NUP85: variants seen among roughly 807,000 people sequenced by gnomAD.
NUP85 encodes nucleoporin 85, also known as nuclear pore complex protein Nup85.
Under a neutral mutation model 92.8 loss-of-function variants are expected in NUP85, and 23 were observed. The ratio of observed to expected loss-of-function variants is 0.25; its 90% confidence interval spans 0.18 to 0.35. NUP85 has a LOEUF of 0.35. NUP85 is among the 10% of genes least tolerant of loss of function. The probability of loss-of-function intolerance (pLI) is 1.00; values close to 1 mark genes in which losing one functional copy is unlikely to be tolerated. For synonymous variants in NUP85, 314 were observed against 306.9 expected, an observed-to-expected ratio of 1.02 and a Z score of -0.24; for missense variants, 759 against 822.8, an observed-to-expected ratio of 0.92 and a Z score of 0.95.
chr17:75,233,143 C>T lies in NUP85; in HGVS notation c.1600C>T (p.Arg534Ter), dbSNP rs377250765. 1 of 1,613,936 alleles carries T rather than the reference C, an allele frequency of 6.2e-7. No homozygotes were observed. The highest frequency in any genetic ancestry group is 8.5e-7 in the Non-Finnish European group (1 of 1,179,890). The change falls in exon 16 of 19, where the codon CGA becomes TGA. Residue 534 changes from arginine to a stop codon, truncating the protein, a stop_gained. Transcript: ENST00000245544. LOFTEE classifies it high-confidence loss of function. ...NLGPAMMLSD[R>*]LTFLGKYREF... Reference sequence around the variant, plus strand: ...GGGGCCAGCCATGATGCTCAGTGACCGACTGACATTCCTGGGTGAGTCTCT... The same window carrying T: ...GGGGCCAGCCATGATGCTCAGTGACTGACTGACATTCCTGGGTGAGTCTCT...
Position 75,212,055 on chromosome 17 carries a change from G to T in NUP85, c.354G>T (p.Gln118His), listed in dbSNP as rs2075274624. Residue 118 changes from glutamine (Q) to histidine (H), a missense_variant, in exon 4 of 19, where the codon CAG (glutamine) becomes CAT (histidine). Physicochemically the swap from Gln to His is conservative, Grantham distance 24. Transcript: ENST00000245544. ...VIRACMEEMH[Q>H]VAIAAKDPAN... Reference sequence around the variant, plus strand: ...GAGCATGTATGGAGGAAATGCACCAGGTTGCAAGTAAGGACTGTGTGCGCG... The same window carrying T: ...GAGCATGTATGGAGGAAATGCACCATGTTGCAAGTAAGGACTGTGTGCGCG... 6.2e-7 allele frequency: 1 copy of T among 1,611,866 alleles called. No individual in the cohort carries two copies. The highest frequency in any genetic ancestry group is 1.3e-5 in the African/African-American group (1 of 74,650).
chr17:75,223,032 CAA>C (rs1190240035), intron 7 of NUP85, among the ~76,000 whole-genome samples: 1 of 48,082 alleles, frequency 2.1e-5, no homozygotes, highest in Admixed American at 2.5e-4. Context: ...GACTCTGTCT[CAA>C]AAAAAAAAAA....
chr17:75,234,530 G>T, intron 16 of NUP85, 107 bp from the exon 17 acceptor site: 1 of 1,100,034 alleles, frequency 9.1e-7, no homozygotes. Context: ...GGAGTGGCTG[G>T]TCTGAGGTTT....
chr17:75,222,728 ATTGT>A, intron 7 of NUP85, among the ~76,000 whole-genome samples: 1 of 151,948 alleles, frequency 6.6e-6, no homozygotes, highest in Admixed American at 6.6e-5. Context: ...TTGACATAAT[ATTGT>A]TGAATCATTA....
chr17:75,207,472 A>G (rs1479863010), intron 1 of NUP85, among the ~76,000 whole-genome samples: 2 of 151,824 alleles, frequency 1.3e-5, no homozygotes, highest in Admixed American at 6.6e-5. Context: ...AGTGTGAGCC[A>G]CTGCGCCTGG....
intron 3 of NUP85, 113 bp from the exon 4 acceptor site, chr17:75,211,879 A>G (rs1215893874): frequency 1.5e-5 from 12 of 804,228 alleles, no homozygotes; most frequent in Non-Finnish European, 2.3e-5. Flanking sequence ...GCTCCTTCAC[A>G]ACGGCTCTCC....
intron 7 of NUP85, among the ~76,000 whole-genome samples, chr17:75,218,822 T>G (rs1447536641): frequency 6.6e-6 from 1 of 152,128 alleles, no homozygotes; most frequent in Non-Finnish European, 1.5e-5. Context: ...TGGCCTGATC[T>G]TGCTCACTGC....
At chr17:75,222,653 G>A (rs2145331195) in intron 7 of NUP85, among the ~76,000 whole-genome samples, 1 of 152,020 alleles carries the variant, frequency 6.6e-6, no homozygotes, top group Admixed American at 6.6e-5. Context: ...GTCATATTTT[G>A]TTCAACCAAT....
chr17:75,231,279 C>T lies in NUP85; in HGVS notation c.1095-61C>T. ...ATGTGGGGTTTCTTGCTCACCCCCA[C>T]TCTTGTGGGACGCGGCCTGTGCCCT... On this transcript the variant is annotated intron_variant, in intron 11 of 18. Coordinates refer to ENST00000245544, the MANE Select transcript of NUP85 (RefSeq NM_024844.5). The surrounding 1 kb of genome is among the most constrained non-coding windows in gnomAD (Gnocchi z 4.6). 1 of 1,550,718 alleles carries T rather than the reference C, an allele frequency of 6.4e-7. No individual in the cohort carries two copies. The highest frequency in any genetic ancestry group is 1.1e-5 in the South Asian group (1 of 89,532).
intron 7 of NUP85, among the ~76,000 whole-genome samples, chr17:75,222,495 ATTTTTTTTTTTTTT>A (rs578181379): frequency 1.2e-5 from 1 of 83,430 alleles, no homozygotes; most frequent in Non-Finnish European, 2.2e-5. Context: ...TATATTTGTG[ATTTTTTTTTTTTTT>A]TTTTTTTTTT....
intron 6 of NUP85, among the ~76,000 whole-genome samples, chr17:75,217,389 A>G (rs1297078889): frequency 6.7e-6 from 1 of 150,148 alleles, no homozygotes. Context: ...TTTTGTAGAG[A>G]TGGGGTCTCC....
intron 18 of NUP85, 87 bp from the exon 19 acceptor site, chr17:75,235,491 C>G: frequency 2.2e-6 from 2 of 904,606 alleles, no homozygotes; most frequent in Non-Finnish European, 3.5e-6. Flanking sequence ...GTTAAGTGCC[C>G]TCTACCTTTG....
chr17:75,207,626 C>T (rs1431384932), intron 1 of NUP85, among the ~76,000 whole-genome samples: 2 of 151,724 alleles, frequency 1.3e-5, no homozygotes, highest in Admixed American at 1.3e-4. Flanking sequence ...ATTACAGGTG[C>T]GTGCCACCAC....
chr17:75,231,891 G>A lies in NUP85; in HGVS notation c.1308G>A (p.Glu436=), dbSNP rs747316174. The A allele has an allele frequency of 5.6e-6, 9 of 1,614,218 alleles. No individual in the cohort carries two copies. The highest frequency in any genetic ancestry group is 1.7e-5 in the Admixed American group (1 of 60,028). ...CCGAGCTGGGCCGAGTCTCCCTGGA[G>A]CTGCACATTGAGCGGATACCTCTGA... is the stretch of plus-strand genomic sequence containing the variant. ...YCPELGRVSL[E]LHIERIPLNT... Residue 436 remains glutamate (E), a synonymous_variant, in exon 14 of 19, where the codon GAG becomes GAA. Transcript: ENST00000245544. This position sits in a 1 kb window ranked among gnomAD's most constrained non-coding sequence, Gnocchi z 4.6.
intron 16 of NUP85, among the ~76,000 whole-genome samples, chr17:75,233,498 T>C (rs1340037725): frequency 1.2e-4 from 16 of 134,816 alleles, no homozygotes; most frequent in Non-Finnish European, 1.9e-4. Context: ...CCAGGCTCAC[T>C]GCAACCTCCA....
chr17:75,235,315 G>A, intron 18 of NUP85, 114 bp downstream of exon 18: 1 of 724,722 alleles, frequency 1.4e-6, no homozygotes, highest in African/African-American at 1.8e-5. Context: ...ATGTGCCTCT[G>A]TTCCCCTTAA....
chr17:75,217,567 T>C (rs865837583), intron 6 of NUP85, among the ~76,000 whole-genome samples: 2 of 152,080 alleles, frequency 1.3e-5, no homozygotes, highest in Admixed American at 6.6e-5. Context: ...TGGAGTGCAG[T>C]TGTGCGATCT....
intron 1 of NUP85, 65 bp from the exon 2 acceptor site, chr17:75,208,462 A>C (rs964023508): frequency 1.5e-5 from 11 of 744,332 alleles, no homozygotes; most frequent in Non-Finnish European, 1.9e-5. Context: ...AAAAAAAAAA[A>C]GAATGGAACA....
chr17:75,233,391 C>CTT (rs1443454881), intron 16 of NUP85, among the ~76,000 whole-genome samples: 20 of 20,384 alleles, frequency 9.8e-4, no homozygotes, highest in Middle Eastern at 0.059. Flanking sequence ...CTCTTTCTTT[C>CTT]TCTTTCTCTT....
Sources: allele counts gnomAD v4.1 joint callset (sites outside exome capture counted in the v4.1 genomes callset), GRCh38; gene constraint gnomAD v4.1.1; non-coding constraint Gnocchi (gnomAD v3.1); transcripts MANE v1.5; gene names NCBI Gene and HGNC (gene_info 2026-07-23, HGNC 2026-07-21).